TOPBP1: variants seen among roughly 807,000 people sequenced by gnomAD.
The protein encoded by TOPBP1 is DNA topoisomerase II binding protein 1, also known as DNA topoisomerase 2-binding protein 1.
In TOPBP1, 28 loss-of-function variants were observed where a neutral mutation model predicts 167.7. The observed-to-expected ratio is 0.17, with a 90% CI of 0.12 to 0.23. The LOEUF is 0.23. Among genes scored for constraint, TOPBP1 ranks in the 10% least tolerant of loss-of-function variants. The pLI, the probability that TOPBP1 is intolerant of heterozygous loss-of-function variation, is 1.00. For missense variants in TOPBP1, 1,554 were observed against 1,809.6 expected (o/e 0.86, Z 2.56); for synonymous variants, 598 against 611.4 (o/e 0.98, Z 0.32).
chr3:133,625,115 C>T (rs779372703), intron 16 of TOPBP1, among the ~76,000 whole-genome samples: 15 of 152,248 alleles, frequency 9.9e-5, no homozygotes, highest in East Asian at 3.9e-4. Context: ...TATAGGCGTA[C>T]GCCACCACAC....
At chr3:133,607,213 A>G (rs1934523191) in intron 27 of TOPBP1, among the ~76,000 whole-genome samples, 3 of 152,120 alleles carry the variant, frequency 2.0e-5, no homozygotes, top group South Asian at 2.1e-4. Context: ...TGGTTGAGCA[A>G]CCGAAACCCA....
Position 133,623,424 on chromosome 3 carries a change from G to C in TOPBP1, c.2962C>G (p.Leu988Val). Residue 988 changes from leucine (L) to valine (V), a missense_variant, in exon 18 of 28, where the codon CTT becomes GTT. This residue lies in a region of TOPBP1 where 1,197 missense variants were observed against 1,351.5 expected (regional missense o/e 0.89). Transcript: ENST00000260810. ...AQECKHLPES[L>V]YPHTYNPKMS... Reference sequence around the variant, plus strand: ...TTGGGATTATAAGTATGTGGATAAAGAGATTCAGGAAGATGTTTACACTCT... The same window carrying C: ...TTGGGATTATAAGTATGTGGATAAACAGATTCAGGAAGATGTTTACACTCT... 1.2e-6 allele frequency: 2 copies of C among 1,612,520 alleles called. No homozygotes were observed. Among genetic ancestry groups the C allele is most frequent in the Non-Finnish European group, 1.7e-6 (2 of 1,179,184 alleles).
At chr3:133,661,274 A>G (rs1936703054) in intron 1 of TOPBP1, 140 bp from the exon 2 acceptor site, 1 of 616,646 alleles carries the variant, frequency 1.6e-6, no homozygotes, top group Admixed American at 3.8e-5. Flanking sequence ...CGTCAACGGC[A>G]TTTCTAAGAA....
At chr3:133,634,646 A>G (rs1183482384) in intron 14 of TOPBP1, among the ~76,000 whole-genome samples, 1 of 152,272 alleles carries the variant, frequency 6.6e-6, no homozygotes, top group Admixed American at 6.5e-5. Context: ...CATACAAAGC[A>G]AGGCAGTAGT....
chr3:133,629,553 C>T (rs1423616192), intron 14 of TOPBP1, among the ~76,000 whole-genome samples: 2 of 151,952 alleles, frequency 1.3e-5, no homozygotes, highest in Non-Finnish European at 2.9e-5. Flanking sequence ...ACAGTTAGAC[C>T]CAATTTCTTT....
intron 14 of TOPBP1, 52 bp downstream of exon 14, chr3:133,637,824 C>T: frequency 6.3e-7 from 1 of 1,578,130 alleles, no homozygotes; most frequent in Non-Finnish European, 8.6e-7. Context: ...GGTGCTTTAA[C>T]TTTATAAACG....
intron 14 of TOPBP1, among the ~76,000 whole-genome samples, chr3:133,636,170 C>T (rs904277095): frequency 1.3e-5 from 2 of 152,092 alleles, no homozygotes; most frequent in African/African-American, 2.4e-5. Context: ...TCTATCTGAA[C>T]GTGTATAGTG....
intron 5 of TOPBP1, 75 bp downstream of exon 5, chr3:133,656,601 G>C: frequency 3.5e-6 from 5 of 1,412,296 alleles, no homozygotes; most frequent in Non-Finnish European, 4.8e-6. Flanking sequence ...TAAGTCCAAA[G>C]AGTATATCAC....
intron 6 of TOPBP1, 92 bp from the exon 7 acceptor site, chr3:133,653,616 A>T (rs1161300160): frequency 8.8e-7 from 1 of 1,140,486 alleles, no homozygotes; most frequent in Non-Finnish European, 1.2e-6. Flanking sequence ...TATTCAAATT[A>T]TAACAGGTTA....
intron 14 of TOPBP1, among the ~76,000 whole-genome samples, chr3:133,634,557 T>G (rs1017440950): frequency 6.6e-6 from 1 of 151,650 alleles, no homozygotes; most frequent in African/African-American, 2.4e-5. Flanking sequence ...CCACATGACC[T>G]CCAGGCAAAA....
intron 27 of TOPBP1, among the ~76,000 whole-genome samples, chr3:133,607,139 A>C (rs1934520626): frequency 1.3e-5 from 2 of 152,172 alleles, no homozygotes; most frequent in African/African-American, 2.4e-5. Context: ...ACACAGATTG[A>C]GTATCCCTTA....
rs532250854 is a variant in TOPBP1 at position 133,601,314 on chromosome 3, C to A, written c.4505G>T (p.Gly1502Val). The A allele has an allele frequency of 7.5e-6, 12 of 1,597,372 alleles. No individual in the cohort carries two copies. The highest frequency in any genetic ancestry group is 1.0e-5 in the Non-Finnish European group (12 of 1,171,350). Residue 1502 changes from glycine to valine, a missense_variant, in exon 28 of 28, where the codon GGA becomes GTA. Physicochemically the swap from Gly to Val is moderately radical, Grantham distance 109. Transcript: ENST00000260810. ...AGGAGCTTTCCTCTTTTGTGATAAT[C>A]CAGTCCCAAGTTCCTTATTATTCTG... ...FIQNNKELGT[G>V]LSQKRKAPTE...
At chr3:133,624,219 C>G (rs2107789107) in intron 16 of TOPBP1, 44 bp from the exon 17 acceptor site, 1 of 1,596,984 alleles carries the variant, frequency 6.3e-7, no homozygotes, top group East Asian at 2.2e-5. Context: ...AGAGAAACAT[C>G]CTCATTAGTT....
intron 14 of TOPBP1, 109 bp downstream of exon 14, chr3:133,637,767 T>C: frequency 8.5e-7 from 1 of 1,181,036 alleles, no homozygotes. Flanking sequence ...TACTTGCCAA[T>C]GTCTCTGGAA....
intron 24 of TOPBP1, among the ~76,000 whole-genome samples, chr3:133,612,182 C>T (rs1934702824): frequency 6.6e-6 from 1 of 151,954 alleles, no homozygotes; most frequent in Non-Finnish European, 1.5e-5. Flanking sequence ...ACTGGGATTA[C>T]AGGCACTCAC....
At chr3:133,652,209 G>C (rs1432958628) in intron 8 of TOPBP1, among the ~76,000 whole-genome samples, 2 of 152,176 alleles carry the variant, frequency 1.3e-5, no homozygotes, top group African/African-American at 4.8e-5. Context: ...AAAGATTAAT[G>C]TAGTTAGGAG....
At chr3:133,645,240 T>C (rs1331976085) in intron 10 of TOPBP1, among the ~76,000 whole-genome samples, 2 of 152,196 alleles carry the variant, frequency 1.3e-5, no homozygotes, top group Non-Finnish European at 2.9e-5. Flanking sequence ...AACTTATGAC[T>C]CCTACTAAAC....
In TOPBP1 at chr3:133,601,065, A is replaced by G. The variant is rs550321154; in HGVS notation, c.*185T>C. On this transcript the variant is annotated 3_prime_UTR_variant, in exon 28 of 28. Transcript: ENST00000260810. ...TTATTTCAGGTAACTTTTTATTAAG[A>G]AACAGTTAATATTTCAGTGATTACA... The G allele has an allele frequency of 2.7e-5, 12 of 436,586 alleles. No individual in the cohort carries two copies. The South Asian group carries it at 4.8e-4, about 17-fold the overall frequency. The allele number at this position is 436,586 out of a possible 1,614,324, so 27.0% of individuals were successfully genotyped here. A position where few individuals can be genotyped will look rare whatever the true frequency, so the allele number is the denominator to read the frequency against.
chr3:133,648,539 C>T (rs1423515953), intron 10 of TOPBP1, among the ~76,000 whole-genome samples: 2 of 152,150 alleles, frequency 1.3e-5, no homozygotes, highest in South Asian at 2.1e-4. Context: ...GGCTCACGCC[C>T]GTAATCCCAG....
Sources: allele counts gnomAD v4.1 joint callset (sites outside exome capture counted in the v4.1 genomes callset), GRCh38; gene constraint gnomAD v4.1.1; regional missense constraint gnomAD v4.1.1; transcripts MANE v1.5; gene names NCBI Gene and HGNC (gene_info 2026-07-23, HGNC 2026-07-21).